The following DAB1 variants were observed in gnomAD, a reference collection of about 807,000 sequenced individuals.
The protein encoded by DAB1 is DAB adaptor protein 1, also known as disabled homolog 1.
In DAB1, 15 loss-of-function variants were observed where a neutral mutation model predicts 64.6. The ratio of observed to expected loss-of-function variants is 0.23; its 90% CI spans 0.16 to 0.36. DAB1 has a LOEUF of 0.36. Ranked by LOEUF, DAB1 falls within the 10% of genes least tolerant of loss-of-function variation. The pLI, the probability that DAB1 is intolerant of heterozygous loss-of-function variation, is 1.00. For synonymous variants in DAB1, 235 were observed against 251.9 expected (o/e 0.93, Z 0.64); for missense variants, 596 against 706.7 (o/e 0.84, Z 1.78).
chr1:57,308,591 A>G (rs192491667), intron 1 of DAB1, among the ~76,000 whole-genome samples: 2 of 152,218 alleles, frequency 1.3e-5, no homozygotes, highest in Non-Finnish European at 2.9e-5. Context: ...TACTATGTGC[A>G]CTGACTTTTC....
chr1:57,875,781 G>A (rs554394188), intron 1 of DAB1, among the ~76,000 whole-genome samples: 1 of 152,148 alleles, frequency 6.6e-6, no homozygotes, highest in Non-Finnish European at 1.5e-5. Context: ...ACGTTGGCCT[G>A]GGATGAAATG....
At chr1:57,932,033 G>T (rs975062911) in intron 5 of DAB1, among the ~76,000 whole-genome samples, 2 of 152,060 alleles carry the variant, frequency 1.3e-5, no homozygotes, top group African/African-American at 4.8e-5. Context: ...CACAAATTTT[G>T]ATAAGTTGTG....
intron 4 of DAB1, among the ~76,000 whole-genome samples, chr1:58,297,822 G>T (rs1237406615): frequency 6.6e-6 from 1 of 152,166 alleles, no homozygotes; most frequent in Non-Finnish European, 1.5e-5. Flanking sequence ...GTAGAAGCAG[G>T]TTGAACAAAG....
At chr1:57,499,667 AT>A (rs1364719638) in intron 7 of DAB1, among the ~76,000 whole-genome samples, 1 of 152,206 alleles carries the variant, frequency 6.6e-6, no homozygotes, top group African/African-American at 2.4e-5. Flanking sequence ...TGTTACTGAA[AT>A]GAAGGCCTTG....
chr1:57,311,065 C>G (rs1674659906), intron 1 of DAB1, among the ~76,000 whole-genome samples: 1 of 152,068 alleles, frequency 6.6e-6, no homozygotes, highest in Admixed American at 6.6e-5. Context: ...CGGCAGAACT[C>G]AGATTTGAAA....
At chr1:58,007,033 C>T (rs1646594565) in intron 5 of DAB1, among the ~76,000 whole-genome samples, 1 of 152,070 alleles carries the variant, frequency 6.6e-6, no homozygotes, top group Non-Finnish European at 1.5e-5. Context: ...TGTTAGCAGC[C>T]ACCATCACAG....
intron 5 of DAB1, among the ~76,000 whole-genome samples, chr1:57,954,428 T>A (rs1645343503): frequency 6.6e-6 from 1 of 152,088 alleles, no homozygotes. Context: ...TCCTTTTGGG[T>A]GATGATGCCT....
chr1:57,605,827 A>G (rs1645629277), intron 7 of DAB1: 1 of 505,496 alleles, frequency 2.0e-6, no homozygotes, highest in Non-Finnish European at 3.7e-6. Flanking sequence ...ACCAGTAATC[A>G]ATTTATTAAG....
At chr1:57,214,910 C>CAAAAAAAAA (rs56175448) in intron 2 of DAB1, among the ~76,000 whole-genome samples, 7 of 58,676 alleles carry the variant, frequency 1.2e-4, no homozygotes, top group African/African-American at 2.9e-4. Context: ...GATTCCCTCT[C>CAAAAAAAAA]AAAAAAAAAA....
At chr1:57,032,274 C>A (rs187698608) in intron 9 of DAB1, among the ~76,000 whole-genome samples, 1 of 152,222 alleles carries the variant, frequency 6.6e-6, no homozygotes, top group Non-Finnish European at 1.5e-5. Flanking sequence ...GAGTTCCTAC[C>A]TTGCATCAGC....
At chr1:57,729,569 C>T (rs1647323221) in intron 6 of DAB1, among the ~76,000 whole-genome samples, 1 of 152,338 alleles carries the variant, frequency 6.6e-6, no homozygotes, top group Non-Finnish European at 1.5e-5. Context: ...GCCTTGTTTA[C>T]ACTACTACCT....
intron 1 of DAB1, among the ~76,000 whole-genome samples, chr1:57,369,617 G>C (rs1360034712): frequency 6.6e-6 from 1 of 152,104 alleles, no homozygotes; most frequent in Non-Finnish European, 1.5e-5. Flanking sequence ...AATTATATCA[G>C]CTCATTGAAT....
intron 3 of DAB1, among the ~76,000 whole-genome samples, chr1:58,373,169 CT>C (rs201654648): frequency 0.061 from 8,460 of 138,452 alleles, 331 homozygotes; most frequent in East Asian, 0.2. Flanking sequence ...TTACTATTTT[CT>C]TTTTTTTTTT....
intron 7 of DAB1, among the ~76,000 whole-genome samples, chr1:57,547,921 A>G (rs1334490897): frequency 1.3e-5 from 2 of 152,184 alleles, no homozygotes. Context: ...AAGCAGATCA[A>G]TCCTTGTTCT....
At chr1:58,174,948 G>T (rs1288908168) in intron 4 of DAB1, among the ~76,000 whole-genome samples, 1 of 152,134 alleles carries the variant, frequency 6.6e-6, no homozygotes, top group African/African-American at 2.4e-5. Flanking sequence ...TCTAGCTAAA[G>T]GACTGTAAAC....
chr1:57,909,257 T>A (rs1644604339), intron 5 of DAB1, among the ~76,000 whole-genome samples: 1 of 152,308 alleles, frequency 6.6e-6, no homozygotes, highest in African/African-American at 2.4e-5. Context: ...GCCTTCTTCA[T>A]AAAGCGAGGA....
At chr1:58,354,307 C>G (rs561543248) in intron 3 of DAB1, among the ~76,000 whole-genome samples, 1 of 152,092 alleles carries the variant, frequency 6.6e-6, no homozygotes, top group Non-Finnish European at 1.5e-5. Context: ...CACATCAACA[C>G]GGGCTAAGGT....
intron 7 of DAB1, among the ~76,000 whole-genome samples, chr1:57,561,210 G>T (rs547166053): frequency 1.9e-4 from 29 of 152,278 alleles, no homozygotes; most frequent in Admixed American, 1.5e-3. Context: ...AGAAGACTAG[G>T]GCCTGTTTCA....
chr1:57,211,462 G>T (rs1305238900), intron 2 of DAB1, among the ~76,000 whole-genome samples: 1 of 152,134 alleles, frequency 6.6e-6, no homozygotes, highest in Non-Finnish European at 1.5e-5. Flanking sequence ...AGAGTATGGG[G>T]CTGGGAAGTG....
Sources: gnomAD v4.1 joint callset for allele counts (sites outside exome capture counted in the v4.1 genomes callset) on GRCh38, gnomAD v4.1.1 for gene constraint, MANE v1.5 for transcripts, NCBI Gene and HGNC (gene_info 2026-07-23, HGNC 2026-07-21) for gene names.